WDR49: variants seen among roughly 807,000 people sequenced by gnomAD.
The protein encoded by WDR49 is WD repeat domain 49.
In WDR49, 107 loss-of-function variants were observed where a neutral mutation model predicts 119.5. The observed-to-expected ratio is 0.90, with a 90% CI of 0.77 to 1.05. WDR49 has a LOEUF of 1.05. Among genes scored for constraint, WDR49 ranks in the 50% least tolerant of loss-of-function variants. The pLI is 0.00. For missense variants in WDR49, 1,240 were observed against 1,220.5 expected (o/e 1.02, Z -0.24); for synonymous variants, 425 against 418.8 (o/e 1.01, Z -0.18).
At chr3:167,574,534 T>C (rs1714131209) in intron 8 of WDR49, among the ~76,000 whole-genome samples, 1 of 152,184 alleles carries the variant, frequency 6.6e-6, no homozygotes, top group African/African-American at 2.4e-5. Context: ...CAAGTAGAGG[T>C]GTAAATACTC....
At chr3:167,488,468 C>T (rs1241912032) in intron 18 of WDR49, among the ~76,000 whole-genome samples, 2 of 151,890 alleles carry the variant, frequency 1.3e-5, no homozygotes, top group African/African-American at 4.8e-5. Context: ...GTGCAATATA[C>T]CCATTTACCA....
intron 10 of WDR49, among the ~76,000 whole-genome samples, chr3:167,549,690 T>C (rs1712431859): frequency 6.6e-6 from 1 of 152,184 alleles, no homozygotes; most frequent in Admixed American, 6.6e-5. Context: ...AGAAGCTCTT[T>C]AGTTTAATTA....
chr3:167,499,634 T>C (rs1751483983), intron 18 of WDR49, among the ~76,000 whole-genome samples: 2 of 152,220 alleles, frequency 1.3e-5, no homozygotes, highest in South Asian at 4.1e-4. Flanking sequence ...TACATCTTGT[T>C]TCTATATCTT....
intron 5 of WDR49, among the ~76,000 whole-genome samples, chr3:167,606,390 T>C (rs182458139): frequency 4.7e-4 from 72 of 152,210 alleles, no homozygotes; most frequent in Admixed American, 1.1e-3. Flanking sequence ...CAGCCACAGG[T>C]AATTTTGGAG....
In WDR49 at chr3:167,597,797, G is replaced by A. The variant is rs563794292; in HGVS notation, c.1275+4330C>T. On this transcript the variant is annotated intron_variant, in intron 7 of 18. Coordinates refer to ENST00000682715, the MANE Select transcript of WDR49 (RefSeq NM_001366157.1). ...TGAGGCTTGTAGCCCCTTTGTTGTG[G>A]CCAATTTCTCCCTTTTGGAATGGTA... Among the ~76,000 whole-genome samples the A allele has an allele frequency of 2.5e-3, 381 of 152,212 alleles. 1 individual carries two copies. The highest frequency in any genetic ancestry group is 8.8e-3 in the African/African-American group (366 of 41,522).
chr3:167,651,011 T>G (rs540939164), intron 2 of WDR49, among the ~76,000 whole-genome samples: 2 of 152,294 alleles, frequency 1.3e-5, no homozygotes, highest in South Asian at 2.1e-4. Context: ...GATCCATTTA[T>G]ACAACTGCAC....
At chr3:167,489,742 A>C (rs1751059711) in intron 18 of WDR49, among the ~76,000 whole-genome samples, 2 of 152,132 alleles carry the variant, frequency 1.3e-5, no homozygotes. Context: ...GGCAAAACTC[A>C]CAAAGATACC....
intron 12 of WDR49, among the ~76,000 whole-genome samples, chr3:167,532,231 C>A (rs776828795): frequency 1.3e-5 from 2 of 152,116 alleles, no homozygotes; most frequent in African/African-American, 4.8e-5. Context: ...GTTGAGACAA[C>A]AGAACCTCAC....
intron 12 of WDR49, 43 bp from the exon 13 acceptor site, chr3:167,531,322 T>A (rs751880113): frequency 8.7e-6 from 14 of 1,602,220 alleles, no homozygotes; most frequent in Admixed American, 5.1e-5. Flanking sequence ...AAGAAAAATA[T>A]CTGCTTTTCA....
At chr3:167,642,187 A>G (rs1717912130) in intron 2 of WDR49, among the ~76,000 whole-genome samples, 1 of 151,988 alleles carries the variant, frequency 6.6e-6, no homozygotes, top group Non-Finnish European at 1.5e-5. Flanking sequence ...ATATGTATAT[A>G]TACTAACCTA....
intron 2 of WDR49, among the ~76,000 whole-genome samples, chr3:167,649,780 C>T (rs913154610): frequency 1.3e-5 from 2 of 152,154 alleles, no homozygotes; most frequent in African/African-American, 2.4e-5. Flanking sequence ...TCACATTTTA[C>T]ATGTGGCTTC....
At chr3:167,639,526 C>T (rs1717781568) in intron 2 of WDR49, among the ~76,000 whole-genome samples, 1 of 151,656 alleles carries the variant, frequency 6.6e-6, no homozygotes, top group Non-Finnish European at 1.5e-5. Flanking sequence ...ATCAACAAAC[C>T]AGAAAAATAT....
chr3:167,586,425 G>A lies in WDR49; in HGVS notation c.1276-10274C>T, dbSNP rs36008049. Among the ~76,000 whole-genome samples, 1,182 of 152,244 alleles carry A rather than the reference G, an allele frequency of 7.8e-3. 4 individuals carry two copies. The highest frequency in any genetic ancestry group is 0.012 in the Non-Finnish European group (811 of 68,014). Reference sequence around the variant, plus strand: ...CGATTGAACTCTTTAATCACCACTGGAAAATAGCAATAGAGAAGATTTCCA... The same window carrying A: ...CGATTGAACTCTTTAATCACCACTGAAAAATAGCAATAGAGAAGATTTCCA... On this transcript the variant is annotated intron_variant, in intron 7 of 18. Transcript: ENST00000682715.
chr3:167,526,010 T>C (rs761587855), intron 15 of WDR49, among the ~76,000 whole-genome samples: 34 of 151,696 alleles, frequency 2.2e-4, no homozygotes, highest in Non-Finnish European at 4.6e-4. Context: ...TAAAAGTCAA[T>C]CCTTTAAAAA....
chr3:167,626,488 T>C (rs186146986), intron 3 of WDR49, among the ~76,000 whole-genome samples: 109 of 152,194 alleles, frequency 7.2e-4, no homozygotes, highest in Middle Eastern at 3.4e-3. Flanking sequence ...AGACACTGAC[T>C]AGCACAGTGA....
At chr3:167,573,545 C>T (rs1714063324) in intron 8 of WDR49, among the ~76,000 whole-genome samples, 1 of 152,004 alleles carries the variant, frequency 6.6e-6, no homozygotes, top group Non-Finnish European at 1.5e-5. Flanking sequence ...AAGAACAATG[C>T]TGTTATCACA....
At chr3:167,566,445 C>T (rs915167490) in intron 8 of WDR49, among the ~76,000 whole-genome samples, 6 of 151,986 alleles carry the variant, frequency 3.9e-5, no homozygotes, top group Non-Finnish European at 5.9e-5. Context: ...TGTATTGTTA[C>T]GTATAAAAGC....
intron 3 of WDR49, among the ~76,000 whole-genome samples, chr3:167,624,840 C>T (rs888396876): frequency 6.6e-6 from 1 of 152,020 alleles, no homozygotes; most frequent in African/African-American, 2.4e-5. Context: ...TAAATATTAG[C>T]TCCAGATACT....
At position 167,602,285 on chromosome 3, in the gene WDR49, A is replaced by G. The variant is rs761689455; in HGVS notation, c.1127-10T>C. ...TTAATGCCAGCAGTTGCTAATCAGA[A>G]TTAGAAAGAAAAAAAATGTTTTTAA... On this transcript the variant is annotated splice_polypyrimidine_tract_variant and intron_variant, in intron 6 of 18. Transcript: ENST00000682715. The G allele has an allele frequency of 1.3e-6, 2 of 1,548,740 alleles. No homozygotes were observed. Among genetic ancestry groups the G allele is most frequent in the Non-Finnish European group, 1.8e-6 (2 of 1,138,754 alleles).
Sources: gnomAD v4.1 joint callset for allele counts (sites outside exome capture counted in the v4.1 genomes callset) on GRCh38, gnomAD v4.1.1 for gene constraint, MANE v1.5 for transcripts, NCBI Gene and HGNC (gene_info 2026-07-23, HGNC 2026-07-21) for gene names.